Variants in ACACB observed in about 807,000 individuals in gnomAD.
ACACB encodes the protein acetyl-CoA carboxylase beta.
ACACB carries 209 observed loss-of-function variants against 278.8 expected under a neutral mutation model. That is an observed-to-expected ratio of 0.75 (90% confidence interval 0.67 to 0.84). The LOEUF is 0.84. ACACB is among the 40% of genes least tolerant of loss of function. The pLI is 0.00. For missense variants in ACACB, 2,850 were observed against 3,269.0 expected (o/e 0.87, Z 3.13); for synonymous variants, 1,174 against 1,285.6 (o/e 0.91, Z 1.86).
chr12:109,134,360 G>A (rs1351072879), intron 1 of ACACB, among the ~76,000 whole-genome samples: 1 of 152,234 alleles, frequency 6.6e-6, no homozygotes, highest in Non-Finnish European at 1.5e-5. Context: ...GAGGGCATGA[G>A]AGGGAGTGGC....
At chr12:109,242,949 G>T (rs958727621) in intron 37 of ACACB, among the ~76,000 whole-genome samples, 1 of 152,060 alleles carries the variant, frequency 6.6e-6, no homozygotes, top group Non-Finnish European at 1.5e-5. Flanking sequence ...CTGGGTGACC[G>T]AGTGAGACCC....
intron 10 of ACACB, 37 bp from the exon 11 acceptor site, chr12:109,179,880 T>C: frequency 6.3e-7 from 1 of 1,580,992 alleles, no homozygotes; most frequent in Non-Finnish European, 8.6e-7. Flanking sequence ...TGAAAAGACC[T>C]CTGGAACCCC....
At chr12:109,263,340 C>G (rs2047432991) in intron 49 of ACACB, 1 of 151,992 alleles carries the variant, frequency 6.6e-6, no homozygotes, top group South Asian at 2.1e-4. Flanking sequence ...CCACACCTGG[C>G]TAATTTTTGT....
At chr12:109,217,562 G>A (rs1204147626) in intron 24 of ACACB, among the ~76,000 whole-genome samples, 1 of 152,146 alleles carries the variant, frequency 6.6e-6, no homozygotes, top group Non-Finnish European at 1.5e-5. Flanking sequence ...ACTTTGGGTG[G>A]CTGAGGCAGG....
chr12:109,243,523 C>T (rs1371020406), intron 37 of ACACB, among the ~76,000 whole-genome samples: 1 of 151,918 alleles, frequency 6.6e-6, no homozygotes, highest in Non-Finnish European at 1.5e-5. Flanking sequence ...TGCTTGAACC[C>T]GGGAGGTGGA....
intron 11 of ACACB, among the ~76,000 whole-genome samples, chr12:109,184,139 A>G (rs1593491613): frequency 1.3e-5 from 2 of 149,246 alleles, no homozygotes; most frequent in Admixed American, 6.7e-5. Flanking sequence ...TGCAACCTCC[A>G]CCTCCCAGGT....
At chr12:109,143,625 G>A (rs148942551) in intron 2 of ACACB, among the ~76,000 whole-genome samples, 395 of 152,252 alleles carry the variant, frequency 2.6e-3, no homozygotes, top group African/African-American at 9.1e-3. Flanking sequence ...GGGGCAATGC[G>A]GGTGGTTCTG....
intron 1 of ACACB, among the ~76,000 whole-genome samples, chr12:109,136,150 C>A (rs1325795069): frequency 1.3e-5 from 2 of 152,094 alleles, no homozygotes; most frequent in African/African-American, 2.4e-5. Context: ...GTCTTGATAT[C>A]CATGTCAAAA....
chr12:109,168,000 G>A lies in ACACB; in HGVS notation c.891G>A (p.Val297=). 6.2e-7 allele frequency: 1 copy of A among 1,613,534 alleles called. No individual in the cohort carries two copies. Among genetic ancestry groups the A allele is most frequent in the Non-Finnish European group, 8.5e-7 (1 of 1,179,746 alleles). The change falls in exon 4 of 53, where the codon GTG becomes GTA. Residue 297 remains valine (V), a synonymous_variant. Transcript: ENST00000338432. ...FRNERAIRFV[V]MVTPEDLKAN... ...ACGAGCGGGCCATCCGGTTTGTTGT[G>A]ATGGTGACCCCCGAGGACCTTAAGG... is the stretch of plus-strand genomic sequence containing the variant.
chr12:109,204,264 A>G (rs1238576285), intron 19 of ACACB, among the ~76,000 whole-genome samples: 1 of 139,474 alleles, frequency 7.2e-6, no homozygotes, highest in Non-Finnish European at 1.5e-5. Context: ...TGCTATCAAT[A>G]CTATATCTTT....
In ACACB at chr12:109,262,288, C is replaced by G. The variant is rs1467336979; in HGVS notation, c.6675-69C>G. 14 of 1,261,868 alleles carry G rather than the reference C, an allele frequency of 1.1e-5. No homozygotes were observed. In the East Asian group the frequency reaches 2.3e-4, roughly 21 times the overall value. 78.2% of individuals were successfully genotyped at this position (1,261,868 alleles called of 1,614,324 possible). On this transcript the variant is annotated intron_variant, in intron 48 of 52. Transcript: ENST00000338432. Reference sequence around the variant, plus strand: ...TGGCTCTCTTCCCTCCAGCTCCCCCCACATCCATTAGCCCTTGCTTGCTGG... The same window carrying G: ...TGGCTCTCTTCCCTCCAGCTCCCCCGACATCCATTAGCCCTTGCTTGCTGG...
At chr12:109,179,858 T>C in intron 10 of ACACB, 59 bp from the exon 11 acceptor site, 1 of 1,537,270 alleles carries the variant, frequency 6.5e-7, no homozygotes, top group East Asian at 2.3e-5. Context: ...ATAGTCACCA[T>C]TTACAGTTCC....
At chr12:109,237,129 G>A (rs766655279) in intron 33 of ACACB, 36 bp from the exon 34 acceptor site, 1 of 1,606,594 alleles carries the variant, frequency 6.2e-7, no homozygotes, top group East Asian at 2.2e-5. Flanking sequence ...CGCTGTGTGT[G>A]TATGTGTCTG....
chr12:109,251,308 C>T (rs912834929), intron 41 of ACACB, among the ~76,000 whole-genome samples: 10 of 152,172 alleles, frequency 6.6e-5, no homozygotes, highest in African/African-American at 2.4e-4. Context: ...CTGATGGTTG[C>T]CTTCCTCTCC....
chr12:109,157,716 T>C (rs2043588530), intron 2 of ACACB, among the ~76,000 whole-genome samples: 1 of 152,178 alleles, frequency 6.6e-6, no homozygotes, highest in Admixed American at 6.5e-5. Context: ...TTTGGGATCT[T>C]GTGCTGAAGG....
At position 109,171,793 on chromosome 12, in the gene ACACB, A is replaced by T; in HGVS notation, c.926-12A>T. The stretch of plus-strand genomic sequence containing the variant: ...CAGCAGTTCCTTCCTTCTCCCTCCC[A>T]TTTAATTTCAGAGTACATCAAGATG... On this transcript the variant is annotated splice_polypyrimidine_tract_variant and intron_variant, in intron 4 of 52. Coordinates refer to ENST00000338432, the MANE Select transcript of ACACB (RefSeq NM_001093.4). The T allele has an allele frequency of 3.1e-6, 5 of 1,605,510 alleles. No individual in the cohort carries two copies. Among genetic ancestry groups the T allele is most frequent in the Non-Finnish European group, 4.3e-6 (5 of 1,172,364 alleles).
intron 45 of ACACB, among the ~76,000 whole-genome samples, chr12:109,256,534 C>T (rs974284648): frequency 2.6e-5 from 4 of 152,214 alleles, no homozygotes; most frequent in African/African-American, 9.6e-5. Flanking sequence ...ACTTCACAGA[C>T]ACTGGCACTC....
chr12:109,181,297 G>A (rs547650790), intron 11 of ACACB, among the ~76,000 whole-genome samples: 4 of 146,042 alleles, frequency 2.7e-5, no homozygotes, highest in South Asian at 2.1e-4. Context: ...GTGCAATCTC[G>A]GCTCACTGCA....
At chr12:109,199,604 T>G (rs549151793) in intron 18 of ACACB, 52 bp downstream of exon 18, 1 of 1,364,572 alleles carries the variant, frequency 7.3e-7, no homozygotes, top group Non-Finnish European at 9.5e-7. Flanking sequence ...CTCCCACTCT[T>G]CTGGCTTTGT....
Sources: allele counts gnomAD v4.1 joint callset (sites outside exome capture counted in the v4.1 genomes callset), GRCh38; gene constraint gnomAD v4.1.1; transcripts MANE v1.5; gene names NCBI Gene and HGNC (gene_info 2026-07-23, HGNC 2026-07-21).